ADAMTS16: variants seen among roughly 807,000 people sequenced by gnomAD.
The protein encoded by ADAMTS16 is ADAM metallopeptidase with thrombospondin type 1 motif 16, also known as A disintegrin and metalloproteinase with thrombospondin motifs 16.
Under a neutral mutation model 145.8 loss-of-function variants are expected in ADAMTS16, and 94 were observed. The ratio of observed to expected loss-of-function variants is 0.64; its 90% CI spans 0.55 to 0.77. The LOEUF (loss-of-function observed/expected upper bound fraction) is 0.77, where lower values mean the gene tolerates loss of function less well. Ranked by LOEUF, ADAMTS16 falls within the 30% of genes least tolerant of loss-of-function variation. The pLI, the probability that ADAMTS16 is intolerant of heterozygous loss-of-function variation, is 0.00. For missense variants in ADAMTS16, 1,585 were observed against 1,591.5 expected (o/e 1.00, Z 0.07); for synonymous variants, 659 against 604.3 (o/e 1.09, Z -1.33).
At chr5:5,286,477 G>A (rs1036385981) in intron 18 of ADAMTS16, among the ~76,000 whole-genome samples, 3 of 152,136 alleles carry the variant, frequency 2.0e-5, no homozygotes, top group Non-Finnish European at 2.9e-5. Flanking sequence ...TTTGGAAGTT[G>A]GAAGTTGATT....
At chr5:5,294,242 G>A (rs1443270629) in intron 18 of ADAMTS16, among the ~76,000 whole-genome samples, 1 of 152,192 alleles carries the variant, frequency 6.6e-6, no homozygotes, top group African/African-American at 2.4e-5. Flanking sequence ...CCTGTGTGAG[G>A]TAAAGGCTCT....
intron 3 of ADAMTS16, among the ~76,000 whole-genome samples, chr5:5,178,357 A>G (rs1735251735): frequency 6.6e-6 from 1 of 152,220 alleles, no homozygotes. Context: ...CTGACATTCC[A>G]GTGGTTACTG....
At chr5:5,233,107 G>T (rs1187860381) in intron 12 of ADAMTS16, among the ~76,000 whole-genome samples, 1 of 152,052 alleles carries the variant, frequency 6.6e-6, no homozygotes. Flanking sequence ...ACATACCAAG[G>T]ATCTGCTTAA....
intron 14 of ADAMTS16, among the ~76,000 whole-genome samples, chr5:5,238,441 C>G (rs1012482539): frequency 6.6e-6 from 1 of 152,098 alleles, no homozygotes; most frequent in African/African-American, 2.4e-5. Context: ...GCATTTCATA[C>G]GTCACCTTTT....
chr5:5,291,346 C>T (rs958836662), intron 18 of ADAMTS16, among the ~76,000 whole-genome samples: 3 of 152,060 alleles, frequency 2.0e-5, no homozygotes, highest in Non-Finnish European at 4.4e-5. Flanking sequence ...ATCCTGTGGA[C>T]CACATGTGAA....
At position 5,318,252 on chromosome 5, in the gene ADAMTS16, C is replaced by A. The variant is rs200916127; in HGVS notation, c.3530C>A (p.Thr1177Asn). 2.9e-4 allele frequency: 453 copies of A among 1,552,042 alleles called. 5 individuals carry two copies. The highest frequency in any genetic ancestry group is 2.4e-3 in the South Asian group (196 of 82,664). ...CCTTCGGCCTCCCTGGCCTGCAACACTCACTTCTGCCCCATTGCAGAGAAG... is the reference window on the plus strand; with the variant it reads ...CCTTCGGCCTCCCTGGCCTGCAACAATCACTTCTGCCCCATTGCAGAGAAG... Reference protein sequence around the residue: ...QKPSASLACNTHFCPIAEKKD... With the variant: ...QKPSASLACNNHFCPIAEKKD... Residue 1177 changes from threonine to asparagine, a missense_variant, in exon 22 of 23, where the codon ACT becomes AAT. Physicochemically the swap from Thr to Asn is moderately conservative, Grantham distance 65 (BLOSUM62 0). Around this residue, in one of 3 missense-constraint regions of ADAMTS16, gnomAD observed 834 missense variants for 811.7 expected, o/e 1.03. Transcript: ENST00000274181.
chr5:5,264,339 C>A (rs536894707), intron 18 of ADAMTS16, among the ~76,000 whole-genome samples: 1 of 152,216 alleles, frequency 6.6e-6, no homozygotes, highest in Admixed American at 6.5e-5. Flanking sequence ...CACATATTTA[C>A]AGAATGAAAT....
At chr5:5,265,162 C>T (rs536329440) in intron 18 of ADAMTS16, among the ~76,000 whole-genome samples, 3 of 152,280 alleles carry the variant, frequency 2.0e-5, no homozygotes, top group Non-Finnish European at 4.4e-5. Flanking sequence ...TCTTCCTGTC[C>T]GAAGGAAATG....
At chr5:5,182,382 T>C in intron 4 of ADAMTS16, 77 bp downstream of exon 4, 1 of 1,535,066 alleles carries the variant, frequency 6.5e-7, no homozygotes. Context: ...GTACATTTTC[T>C]TCAAAGCATG....
At chr5:5,282,054 A>C (rs11738975) in intron 18 of ADAMTS16, among the ~76,000 whole-genome samples, 128,198 of 151,906 alleles carry the variant, frequency 0.84, 54,560 homozygotes, top group Non-Finnish European at 0.89. Flanking sequence ...TCACCCGTTG[A>C]GCCTTTGTTG....
At chr5:5,143,156 C>G (rs1440791980) in intron 2 of ADAMTS16, among the ~76,000 whole-genome samples, 1 of 152,086 alleles carries the variant, frequency 6.6e-6, no homozygotes, top group Non-Finnish European at 1.5e-5. Context: ...AGAGCTTCTG[C>G]ACAGCAAAAG....
intron 18 of ADAMTS16, among the ~76,000 whole-genome samples, chr5:5,273,950 G>T (rs1315774122): frequency 6.6e-6 from 1 of 152,076 alleles, no homozygotes; most frequent in Non-Finnish European, 1.5e-5. Context: ...AGTCCTGTAA[G>T]GTATTTTGTA....
At chr5:5,291,299 C>T (rs1406154564) in intron 18 of ADAMTS16, among the ~76,000 whole-genome samples, 1 of 151,994 alleles carries the variant, frequency 6.6e-6, no homozygotes, top group Admixed American at 6.6e-5. Context: ...ACATGGCTTT[C>T]CCTCTTGTAC....
At chr5:5,197,855 G>T (rs1200029063) in intron 8 of ADAMTS16, among the ~76,000 whole-genome samples, 1 of 152,094 alleles carries the variant, frequency 6.6e-6, no homozygotes, top group Non-Finnish European at 1.5e-5. Flanking sequence ...CTGAGATTTT[G>T]GTGGGAATCA....
At chr5:5,180,363 A>G (rs72724110) in intron 3 of ADAMTS16, among the ~76,000 whole-genome samples, 10,222 of 152,300 alleles carry the variant, frequency 0.067, 376 homozygotes, top group African/African-American at 0.072. Context: ...TTAGAGCAAT[A>G]TGTAATAACA....
At chr5:5,187,068 C>T (rs539045838) in intron 5 of ADAMTS16, among the ~76,000 whole-genome samples, 12 of 152,336 alleles carry the variant, frequency 7.9e-5, no homozygotes, top group Admixed American at 2.0e-4. Context: ...TCCCGCTGCA[C>T]GGGGTCAAAG....
intron 18 of ADAMTS16, among the ~76,000 whole-genome samples, chr5:5,302,074 G>C (rs945920047): frequency 6.6e-6 from 1 of 152,160 alleles, no homozygotes; most frequent in African/African-American, 2.4e-5. Context: ...GTGAGTCCCT[G>C]TTATGGCGCC....
intron 3 of ADAMTS16, among the ~76,000 whole-genome samples, chr5:5,158,932 C>T (rs2126523523): frequency 6.6e-6 from 1 of 152,338 alleles, no homozygotes; most frequent in African/African-American, 2.4e-5. Flanking sequence ...CATGAATAGG[C>T]ACTTTCACCA....
intron 10 of ADAMTS16, among the ~76,000 whole-genome samples, chr5:5,218,951 T>C (rs564562276): frequency 3.9e-5 from 6 of 152,288 alleles, no homozygotes; most frequent in African/African-American, 1.4e-4. Flanking sequence ...GTTCAGCCAC[T>C]GTGTGTGCCC....
Sources: allele counts gnomAD v4.1 joint callset (sites outside exome capture counted in the v4.1 genomes callset), GRCh38; gene constraint gnomAD v4.1.1; regional missense constraint gnomAD v4.1.1; transcripts MANE v1.5; gene names NCBI Gene and HGNC (gene_info 2026-07-23, HGNC 2026-07-21).